Variants in MSI1 observed in about 807,000 individuals in gnomAD.
MSI1 encodes the protein RNA-binding protein Musashi homolog 1.
In MSI1, 15 loss-of-function variants were observed where a neutral mutation model predicts 54.4. That is an observed-to-expected ratio of 0.28 (90% CI 0.18 to 0.42). MSI1 has a LOEUF of 0.42. Among genes scored for constraint, MSI1 ranks in the 20% least tolerant of loss-of-function variants. The probability of loss-of-function intolerance (pLI) is 1.00; values close to 1 mark genes in which losing one functional copy is unlikely to be tolerated. For missense variants in MSI1, 304 were observed against 506.0 expected, an observed-to-expected ratio of 0.60 and a Z score of 3.83; for synonymous variants, 200 against 196.5, an observed-to-expected ratio of 1.02 and a Z score of -0.15.
chr12:120,344,651 C>T (rs953367797), intron 14 of MSI1, among the ~76,000 whole-genome samples: 3 of 151,824 alleles, frequency 2.0e-5, no homozygotes, highest in Non-Finnish European at 4.4e-5. Flanking sequence ...CAGGCTGCAG[C>T]GAGCTGTGAT....
At position 120,356,953 on chromosome 12, in the gene MSI1, G is replaced by C; in HGVS notation, c.601C>G (p.Arg201Gly). 1 of 1,614,214 alleles carries C rather than the reference G, an allele frequency of 6.2e-7. No individual in the cohort carries two copies. Among genetic ancestry groups the C allele is most frequent in the Non-Finnish European group, 8.5e-7 (1 of 1,180,038 alleles). ...SPTGSARGRSRVMPYGMDAFM... is the reference protein window; with the variant it reads ...SPTGSARGRSGVMPYGMDAFM... ...GCGTCCATTCCGTAGGGCATGACTCGAGACCTCCCCCGGGCTGAGCCCGTT... is the reference window on the plus strand; with the variant it reads ...GCGTCCATTCCGTAGGGCATGACTCCAGACCTCCCCCGGGCTGAGCCCGTT... Residue 201 changes from arginine (R) to glycine (G), a missense_variant, in exon 9 of 15, where the codon CGA (arginine) becomes GGA (glycine). Physicochemically the swap from Arg to Gly is moderately radical, Grantham distance 125 (BLOSUM62 -2). Coordinates refer to ENST00000257552, the MANE Select transcript of MSI1 (RefSeq NM_002442.4).
intron 9 of MSI1, among the ~76,000 whole-genome samples, chr12:120,355,402 CA>C (rs34596687): frequency 0.65 from 67,221 of 104,200 alleles, 17,717 homozygotes; most frequent in Middle Eastern, 0.71. Flanking sequence ...GACTCCGTCT[CA>C]AAAAAAAAAA....
In MSI1 at chr12:120,369,056, G is replaced by A; in HGVS notation, c.36C>T (p.Ser12=). 4 of 1,029,330 alleles carry A rather than the reference G, an allele frequency of 3.9e-6. No homozygotes were observed. The highest frequency in any genetic ancestry group is 4.6e-6 in the Non-Finnish European group (4 of 861,306). 63.8% of individuals were successfully genotyped at this position (1,029,330 alleles called of 1,614,324 possible). Residue 12 remains serine, a synonymous_variant, in exon 1 of 15, where the codon TCC becomes TCT. Transcript: ENST00000257552. ...ETDAPQPGLA[S]PDSPHDPCKM... ...ACCAGGGGTCGTGCGGCGAGTCCGG[G>A]GAGGCGAGGCCGGGCTGGGGCGCGT...
At position 120,357,982 on chromosome 12, in the gene MSI1, G is replaced by A. The variant is rs1046133839; in HGVS notation, c.452-84C>T. 5.5e-5 allele frequency: 62 copies of A among 1,134,074 alleles called. 1 individual carries two copies. In the Middle Eastern group the frequency reaches 5.8e-4, roughly 11 times the overall value. The allele number at this position is 1,134,074 out of a possible 1,614,324, so 70.3% of individuals were successfully genotyped here. The stretch of plus-strand genomic sequence containing the variant: ...AACCCCAGGTCGTACCAATATCCCC[G>A]CTCCTCTCTCTCTGGCGAGTGAGAG... On this transcript the variant is annotated intron_variant, in intron 7 of 14. Coordinates refer to ENST00000257552, the MANE Select transcript of MSI1 (RefSeq NM_002442.4).
chr12:120,343,836 G>A (rs1873891216), intron 14 of MSI1, among the ~76,000 whole-genome samples: 1 of 152,054 alleles, frequency 6.6e-6, no homozygotes, highest in Non-Finnish European at 1.5e-5. Context: ...CGTGTACACA[G>A]TCCCACAAGT....
rs2136899443 is a variant in MSI1, at chr12:120,346,322, C to A, written c.860G>T (p.Gly287Val). 1 of 1,531,046 alleles carries A rather than the reference C, an allele frequency of 6.5e-7. No individual in the cohort carries two copies. The highest frequency in any genetic ancestry group is 8.8e-7 in the Non-Finnish European group (1 of 1,137,900). The allele number at this position is 1,531,046 out of a possible 1,614,324, so 94.8% of individuals were successfully genotyped here. Residue 287 changes from glycine (G) to valine (V), a missense_variant and splice_region_variant, in exon 13 of 15, where the codon GGC becomes GTC. Coordinates refer to ENST00000257552, the MANE Select transcript of MSI1 (RefSeq NM_002442.4). ...GGGAGCCATCGTCCAGGGGTGAGAG[C>A]CTGGCAACCCAGAAAGAAGACGGTG... is the stretch of plus-strand genomic sequence containing the variant. ...AAAAAVVRGTGSHPWTMAPPP... is the reference protein window; with the variant it reads ...AAAAAVVRGTVSHPWTMAPPP...
chr12:120,344,769 A>C (rs1250381515), intron 14 of MSI1, among the ~76,000 whole-genome samples: 2 of 150,978 alleles, frequency 1.3e-5, no homozygotes. Context: ...GCACTTTGGG[A>C]GGCCGAGGCA....
intron 14 of MSI1, among the ~76,000 whole-genome samples, chr12:120,343,955 C>T (rs544744768): frequency 6.6e-6 from 1 of 152,290 alleles, no homozygotes; most frequent in Non-Finnish European, 1.5e-5. Flanking sequence ...TTTCTGGGTT[C>T]AAGCGATTCT....
intron 14 of MSI1, among the ~76,000 whole-genome samples, chr12:120,344,302 T>C (rs1167761069): frequency 6.6e-6 from 1 of 152,252 alleles, no homozygotes; most frequent in Non-Finnish European, 1.5e-5. Context: ...AGGGCATGAA[T>C]GTTTGAAACT....
downstream of MSI1, among the ~76,000 whole-genome samples, chr12:120,340,090 T>C (rs1391553196): frequency 2.6e-5 from 1 of 39,124 alleles, no homozygotes; most frequent in African/African-American, 5.3e-5. Context: ...CCAAAATAGC[T>C]TTTTTTTTTT....
chr12:120,359,765 T>C (rs1254273389), intron 6 of MSI1, among the ~76,000 whole-genome samples: 1 of 152,140 alleles, frequency 6.6e-6, no homozygotes, highest in Non-Finnish European at 1.5e-5. Context: ...CTGCATCTGG[T>C]GCCTCCTCCT....
downstream of MSI1, among the ~76,000 whole-genome samples, chr12:120,340,877 T>C (rs1449355544): frequency 6.9e-6 from 1 of 144,632 alleles, no homozygotes; most frequent in Non-Finnish European, 1.5e-5. Flanking sequence ...TGTACGCTTT[T>C]CTCCTATTCT....
rs1483256899 is a variant in MSI1 at position 120,368,700 on chromosome 12, G to A, written c.100+133C>T. On this transcript the variant is annotated intron_variant, in intron 2 of 14. Transcript: ENST00000257552. This position sits in a 1 kb window ranked among gnomAD's most constrained non-coding sequence, Gnocchi z 6.6. The stretch of plus-strand genomic sequence containing the variant: ...CGCCCTGCGCTCTCGGGGTCTCCGG[G>A]CGGGGCGCGAAAGAGGGCGCGAGGG... The A allele has an allele frequency of 8.6e-6, 7 of 809,344 alleles. No homozygotes were observed. The highest frequency in any genetic ancestry group is 9.8e-6 in the Non-Finnish European group (6 of 611,992). 50.1% of individuals were successfully genotyped at this position (809,344 alleles called of 1,614,324 possible).
intron 11 of MSI1, among the ~76,000 whole-genome samples, chr12:120,348,082 C>T (rs1341938486): frequency 2.6e-5 from 4 of 151,730 alleles, no homozygotes; most frequent in African/African-American, 4.9e-5. Context: ...CTGCTCCCCT[C>T]GCCCCTGTCT....
intron 6 of MSI1, among the ~76,000 whole-genome samples, chr12:120,360,166 G>C (rs551434198): frequency 6.6e-6 from 1 of 152,184 alleles, no homozygotes; most frequent in East Asian, 1.9e-4. Context: ...TTGTATTTTA[G>C]TAGAGATGGG....
At chr12:120,356,862 T>C in intron 9 of MSI1, 40 bp downstream of exon 9, 3 of 1,574,262 alleles carry the variant, frequency 1.9e-6, no homozygotes, top group Non-Finnish European at 2.6e-6. Flanking sequence ...CTGGGAGCAG[T>C]TCTGGCAGAA....
intron 13 of MSI1, among the ~76,000 whole-genome samples, 195 bp downstream of exon 13, chr12:120,345,940 G>C (rs1015564868): frequency 5.3e-5 from 8 of 152,202 alleles, no homozygotes; most frequent in African/African-American, 1.9e-4. Context: ...ACTATGCCTG[G>C]CATTCAGAGG....
chr12:120,368,174 A>AG lies in MSI1; in HGVS notation c.182+17dup. ...AGGGGGGCGAGCCGGGAGCAGGAGG[A>AG]GGGGGTGAGGGGCTCACCTGGATCT... On this transcript the variant is annotated intron_variant, in intron 3 of 14. Coordinates refer to ENST00000257552, the MANE Select transcript of MSI1 (RefSeq NM_002442.4). The surrounding 1 kb of genome is among the most constrained non-coding windows in gnomAD (Gnocchi z 6.6). 1.3e-6 allele frequency: 2 copies of AG among 1,577,620 alleles called. No individual in the cohort carries two copies. The highest frequency in any genetic ancestry group is 8.6e-7 in the Non-Finnish European group (1 of 1,160,802).
Position 120,342,308 on chromosome 12 carries a change from G to C in MSI1, c.*819C>G, listed in dbSNP as rs1002034775. ...TTGACCCTGAGGGCCTGAGAGAGCG[G>C]GCCTGCCGTGGCCACAGCTGAGGCC... On this transcript the variant is annotated 3_prime_UTR_variant, in exon 15 of 15. Transcript: ENST00000257552. 2 of 152,662 alleles carry C rather than the reference G, an allele frequency of 1.3e-5. No individual in the cohort carries two copies. The highest frequency in any genetic ancestry group is 2.9e-5 in the Non-Finnish European group (2 of 68,162). 9.5% of individuals were successfully genotyped at this position (152,662 alleles called of 1,614,324 possible).
Sources: gnomAD v4.1 joint callset for allele counts (sites outside exome capture counted in the v4.1 genomes callset) on GRCh38, gnomAD v4.1.1 for gene constraint, Gnocchi (gnomAD v3.1) non-coding constraint, MANE v1.5 for transcripts, NCBI Gene and HGNC (gene_info 2026-07-23, HGNC 2026-07-21) for gene names.